The following ST3GAL3 variants were observed in gnomAD, a reference collection of about 807,000 sequenced individuals.
The protein encoded by ST3GAL3 is CMP-N-acetylneuraminate-beta-1,4-galactoside alpha-2,3-sialyltransferase.
ST3GAL3 carries 21 observed loss-of-function variants against 50.1 expected under a neutral mutation model. The ratio of observed to expected loss-of-function variants is 0.42; its 90% confidence interval spans 0.30 to 0.60. The LOEUF (loss-of-function observed/expected upper bound fraction) is 0.60. ST3GAL3 is among the 20% of genes least tolerant of loss of function. The pLI, the probability that ST3GAL3 is intolerant of heterozygous loss-of-function variation, is 0.19. For missense variants in ST3GAL3, 353 were observed against 489.4 expected (o/e 0.72, Z 2.63); for synonymous variants, 183 against 190.0 (o/e 0.96, Z 0.30).
rs534988192 is a variant in ST3GAL3, at chr1:43,883,534, C to T, written c.303-10849C>T. ...CACAGCCTCAGGCACCAGGCCAGCC[C>T]TGCAGTGCTGATGCACGCCCTGCCT... is the stretch of plus-strand genomic sequence containing the variant. On this transcript the variant is annotated intron_variant, in intron 5 of 11. Coordinates refer to ENST00000347631, the MANE Select transcript of ST3GAL3 (RefSeq NM_006279.5). Among the ~76,000 whole-genome samples the T allele has an allele frequency of 2.6e-5, 4 of 152,374 alleles. No homozygotes were observed. The East Asian group carries it at 7.7e-4, about 29-fold the overall frequency.
At chr1:43,817,319 G>A (rs1182492773) in intron 4 of ST3GAL3, among the ~76,000 whole-genome samples, 1 of 151,872 alleles carries the variant, frequency 6.6e-6, no homozygotes, top group East Asian at 1.9e-4. Context: ...TTAGCTTGCT[G>A]CTTCTTCTTC....
intron 5 of ST3GAL3, among the ~76,000 whole-genome samples, chr1:43,868,738 G>A (rs1196296813): frequency 1.3e-5 from 2 of 152,002 alleles, no homozygotes; most frequent in East Asian, 3.9e-4. Flanking sequence ...TGCCTGGCTA[G>A]CCCCTTTCTC....
rs767723120 is a variant in ST3GAL3 at position 43,724,202 on chromosome 1, TTTTATTTATTTA to T, written c.-30-12019_-30-12008del. Reference sequence around the variant, plus strand: ...GTTGGGGAATATAATTGTAAATATATTTTATTTATTTATTTATTTATTTTTTGAGATAGGGTC... The same window carrying T: ...GTTGGGGAATATAATTGTAAATATATTTTATTTATTTTTTGAGATAGGGTC... On this transcript the variant is annotated intron_variant, in intron 1 of 11. Coordinates refer to ENST00000347631, the MANE Select transcript of ST3GAL3 (RefSeq NM_006279.5). Among the ~76,000 whole-genome samples the T allele has an allele frequency of 2.0e-5, 3 of 152,010 alleles. No individual in the cohort carries two copies. In the South Asian group the frequency reaches 6.2e-4, roughly 32 times the overall value.
At chr1:43,851,647 G>A (rs1242328098) in intron 5 of ST3GAL3, 31 of 1,270,522 alleles carry the variant, frequency 2.4e-5, no homozygotes, top group Non-Finnish European at 3.2e-5. Context: ...CCTCAACATC[G>A]CTGTCTTTGA....
chr1:43,781,150 C>T (rs887098397), intron 2 of ST3GAL3, among the ~76,000 whole-genome samples: 1 of 152,118 alleles, frequency 6.6e-6, no homozygotes, highest in Non-Finnish European at 1.5e-5. Flanking sequence ...TGTGTCTCTT[C>T]TGTCTTTGTC....
At chr1:43,756,562 A>ACG (rs1356835672) in intron 2 of ST3GAL3, among the ~76,000 whole-genome samples, 3 of 147,968 alleles carry the variant, frequency 2.0e-5, no homozygotes, top group Non-Finnish European at 3.0e-5. Flanking sequence ...ACACACACAC[A>ACG]CGCACGCACA....
chr1:43,897,074 C>A (rs2077493434), intron 6 of ST3GAL3, among the ~76,000 whole-genome samples: 1 of 150,224 alleles, frequency 6.7e-6, no homozygotes, highest in African/African-American at 2.4e-5. Flanking sequence ...ATTTCATACA[C>A]CACATTTAAT....
In ST3GAL3 at chr1:43,736,370, G is replaced by A. The variant is rs114417570; in HGVS notation, c.108G>A (p.Glu36=). Residue 36 remains glutamate (E), a synonymous_variant, in exon 2 of 12, where the codon GAG becomes GAA. Transcript: ENST00000347631. ...GGAAGCTACACTTACTCCAGTGGGA[G>A]GAGGACTCCAGTAAGTATAGTCACT... ...SAWKLHLLQW[E]EDSNSVVLSF... 2 of 1,614,166 alleles carry A rather than the reference G, an allele frequency of 1.2e-6. No individual in the cohort carries two copies. The highest frequency in any genetic ancestry group is 1.3e-5 in the African/African-American group (1 of 75,030).
chr1:43,771,468 C>T (rs1218750633), intron 2 of ST3GAL3, among the ~76,000 whole-genome samples: 1 of 152,104 alleles, frequency 6.6e-6, no homozygotes, highest in Non-Finnish European at 1.5e-5. Context: ...CACCATTCTC[C>T]TGCCTCAGCC....
chr1:43,708,075 G>A (rs1323438924), intron 1 of ST3GAL3: 1 of 152,360 alleles, frequency 6.6e-6, no homozygotes, highest in Non-Finnish European at 1.5e-5. Context: ...AGCGGGAATC[G>A]GCAGCGTTTG....
intron 4 of ST3GAL3, among the ~76,000 whole-genome samples, chr1:43,827,993 C>T (rs889559821): frequency 1.3e-5 from 2 of 152,150 alleles, no homozygotes; most frequent in African/African-American, 4.8e-5. Context: ...GTACCTGACT[C>T]CAGACCTACA....
chr1:43,873,595 G>T (rs2073461733), intron 5 of ST3GAL3, among the ~76,000 whole-genome samples: 1 of 152,078 alleles, frequency 6.6e-6, no homozygotes, highest in Non-Finnish European at 1.5e-5. Flanking sequence ...GACCATCCTG[G>T]CTAACATGGC....
intron 5 of ST3GAL3, among the ~76,000 whole-genome samples, chr1:43,845,369 G>A (rs1189128271): frequency 6.6e-6 from 1 of 151,858 alleles, no homozygotes; most frequent in African/African-American, 2.4e-5. Flanking sequence ...TTCTTTAGTA[G>A]CATGTCTTTC....
intron 2 of ST3GAL3, among the ~76,000 whole-genome samples, chr1:43,788,020 G>A (rs2154148557): frequency 6.6e-6 from 1 of 152,312 alleles, no homozygotes. Context: ...GTACCAGTGA[G>A]TTGGAGGTTA....
chr1:43,730,551 T>C (rs1447900732), intron 1 of ST3GAL3, among the ~76,000 whole-genome samples: 1 of 150,734 alleles, frequency 6.6e-6, no homozygotes, highest in African/African-American at 2.4e-5. Context: ...TTTTCTTTTT[T>C]TCTTTCTTTT....
chr1:43,847,248 A>G (rs1056671239), intron 5 of ST3GAL3, among the ~76,000 whole-genome samples: 1 of 152,226 alleles, frequency 6.6e-6, no homozygotes, highest in Non-Finnish European at 1.5e-5. Flanking sequence ...GCAGTTCCTA[A>G]AAACATTGAA....
intron 1 of ST3GAL3, among the ~76,000 whole-genome samples, chr1:43,731,844 TA>T (rs1394540701): frequency 6.6e-6 from 1 of 151,834 alleles, no homozygotes; most frequent in Admixed American, 6.6e-5. Flanking sequence ...GACTAATTTT[TA>T]AAAAAAATTT....
chr1:43,878,753 A>T (rs1394586460), intron 5 of ST3GAL3, among the ~76,000 whole-genome samples: 3 of 152,202 alleles, frequency 2.0e-5, no homozygotes, highest in African/African-American at 7.2e-5. Context: ...TGATAGAAGA[A>T]TGGAATTTTG....
chr1:43,784,941 C>G (rs1211808199), intron 2 of ST3GAL3, among the ~76,000 whole-genome samples: 7 of 152,202 alleles, frequency 4.6e-5, no homozygotes, highest in African/African-American at 1.4e-4. Context: ...TCCTGCTACT[C>G]CTGTCTCTGA....
Sources: gnomAD v4.1 joint callset for allele counts (sites outside exome capture counted in the v4.1 genomes callset) on GRCh38, gnomAD v4.1.1 for gene constraint, MANE v1.5 for transcripts, NCBI Gene and HGNC (gene_info 2026-07-23, HGNC 2026-07-21) for gene names.